The following RGS22 variants were observed in gnomAD, a reference collection of about 807,000 sequenced individuals.
RGS22 encodes the protein regulator of G-protein signaling 22.
RGS22 carries 148 observed loss-of-function variants against 172.9 expected under a neutral mutation model. The ratio of observed to expected loss-of-function variants is 0.86; its 90% CI spans 0.75 to 0.98. The LOEUF (loss-of-function observed/expected upper bound fraction) is 0.98, where lower values mean the gene tolerates loss of function less well. Among genes scored for constraint, RGS22 ranks in the 50% least tolerant of loss-of-function variants. The pLI, the probability that RGS22 is intolerant of heterozygous loss-of-function variation, is 0.00. For missense variants in RGS22, 1,347 were observed against 1,440.8 expected (o/e 0.93, Z 1.05); for synonymous variants, 458 against 480.2 (o/e 0.95, Z 0.60).
At chr8:100,100,658 C>T (rs1010281039) in intron 2 of RGS22, among the ~76,000 whole-genome samples, 2 of 152,064 alleles carry the variant, frequency 1.3e-5, no homozygotes, top group African/African-American at 2.4e-5. Context: ...TATGGAGAGT[C>T]AACTATGTTA....
intron 19 of RGS22, among the ~76,000 whole-genome samples, chr8:99,997,025 C>T (rs1814474532): frequency 6.6e-6 from 1 of 152,114 alleles, no homozygotes. Context: ...CAGATAGATC[C>T]AGAAGCAGAT....
At chr8:100,050,318 C>G (rs1821147207) in intron 10 of RGS22, among the ~76,000 whole-genome samples, 1 of 152,104 alleles carries the variant, frequency 6.6e-6, no homozygotes, top group African/African-American at 2.4e-5. Flanking sequence ...TAAGCCAAAC[C>G]CCTGATTTTA....
chr8:100,100,575 C>G (rs111480192), intron 2 of RGS22, among the ~76,000 whole-genome samples: 5,934 of 152,200 alleles, frequency 0.039, 329 homozygotes, highest in African/African-American at 0.12. Context: ...CAGGTGTGAG[C>G]CATTGCACCT....
chr8:100,061,620 T>C (rs564712205), intron 9 of RGS22, among the ~76,000 whole-genome samples: 3 of 152,296 alleles, frequency 2.0e-5, no homozygotes, highest in Non-Finnish European at 4.4e-5. Context: ...CCAGTCAGAA[T>C]GGCTATTAGT....
rs1329634892 is a variant in RGS22 at position 100,081,081 on chromosome 8, T to C, written c.118-726A>G. On this transcript the variant is annotated intron_variant, in intron 3 of 27. Coordinates refer to ENST00000360863, the MANE Select transcript of RGS22 (RefSeq NM_015668.5). ...GGTGAATTGGCCATGTCTTTTCCCA[T>C]TTGTCTTCCAAATCTAGAATCAGGT... is the stretch of plus-strand genomic sequence containing the variant. Among the ~76,000 whole-genome samples the C allele has an allele frequency of 3.3e-5, 5 of 152,130 alleles. No homozygotes were observed. In the East Asian group the frequency reaches 9.6e-4, roughly 29 times the overall value.
chr8:100,025,191 C>G (rs1818052056), intron 14 of RGS22, among the ~76,000 whole-genome samples: 1 of 152,114 alleles, frequency 6.6e-6, no homozygotes, highest in Non-Finnish European at 1.5e-5. Context: ...CTTCCTGAAC[C>G]CACTTTACTA....
At chr8:100,093,315 AC>A (rs1328855062) in intron 3 of RGS22, 131 bp downstream of exon 3, 1 of 566,072 alleles carries the variant, frequency 1.8e-6, no homozygotes, top group Non-Finnish European at 3.2e-6. Flanking sequence ...AAAAGATAAA[AC>A]CTTTACCTAA....
At position 100,053,226 on chromosome 8, in the gene RGS22, A is replaced by C. The variant is rs116284421; in HGVS notation, c.1515-250T>G. ...TGGGAAAAACATCATAAGTAAAATT[A>C]TGTTCAAATTATTAGCTGCTTGATA... On this transcript the variant is annotated intron_variant, in intron 9 of 27. Transcript: ENST00000360863. 2.9e-3 allele frequency among the ~76,000 whole-genome samples: 446 copies of C among 152,316 alleles called. 2 individuals are homozygous for C. The highest frequency in any genetic ancestry group is 0.01 in the African/African-American group (431 of 41,564).
intron 27 of RGS22, among the ~76,000 whole-genome samples, chr8:99,961,425 G>T (rs1433506204): frequency 6.6e-6 from 1 of 152,184 alleles, no homozygotes; most frequent in Non-Finnish European, 1.5e-5. Flanking sequence ...TCTCATGATA[G>T]TGAGTGAGTT....
intron 23 of RGS22, 81 bp from the exon 24 acceptor site, chr8:99,965,511 A>G (rs1810639612): frequency 2.0e-6 from 2 of 989,266 alleles, no homozygotes; most frequent in Non-Finnish European, 3.1e-6. Context: ...GAGTTATAAC[A>G]TCATATGACA....
chr8:100,018,438 ACAC>A (rs1220646418), intron 14 of RGS22, among the ~76,000 whole-genome samples: 2 of 152,112 alleles, frequency 1.3e-5, no homozygotes, highest in Non-Finnish European at 2.9e-5. Flanking sequence ...AGACACACAC[ACAC>A]ACACACAAAA....
chr8:100,027,712 A>C lies in RGS22; in HGVS notation c.2166+11219T>G, dbSNP rs560934080. On this transcript the variant is annotated intron_variant, in intron 14 of 27. Transcript: ENST00000360863. The stretch of plus-strand genomic sequence containing the variant: ...TAGCCAGGCTGGTCTCGAACTCCTG[A>C]GCTCAGTTGATCCACCTACCTCAGC... 5.9e-5 allele frequency among the ~76,000 whole-genome samples: 9 copies of C among 152,184 alleles called. No homozygotes were observed. The East Asian group carries it at 1.7e-3, about 30-fold the overall frequency.
intron 2 of RGS22, among the ~76,000 whole-genome samples, chr8:100,095,054 CGTAA>C (rs1812860727): frequency 6.6e-6 from 1 of 152,110 alleles, no homozygotes; most frequent in Non-Finnish European, 1.5e-5. Context: ...ACCTGGTGGA[CGTAA>C]GTATTGCCTA....
At chr8:100,053,370 C>G (rs985319146) in intron 9 of RGS22, among the ~76,000 whole-genome samples, 24 of 148,814 alleles carry the variant, frequency 1.6e-4, no homozygotes, top group Non-Finnish European at 2.8e-4. Flanking sequence ...TGCAGTGAGC[C>G]CAGATTGTGC....
At chr8:100,103,785 C>T (rs1409447296) in intron 2 of RGS22, among the ~76,000 whole-genome samples, 1 of 152,108 alleles carries the variant, frequency 6.6e-6, no homozygotes, top group African/African-American at 2.4e-5. Flanking sequence ...TAAGAGAACT[C>T]GGAGACAGTG....
Position 100,063,598 on chromosome 8 carries a change from C to G in RGS22, c.1170G>C (p.Glu390Asp). The G allele has an allele frequency of 6.2e-7, 1 of 1,614,074 alleles. No individual in the cohort carries two copies. The highest frequency in any genetic ancestry group is 8.5e-7 in the Non-Finnish European group (1 of 1,179,994). Reference protein sequence around the residue: ...IEQTSLSSKNESAGPESRADW... With the variant: ...IEQTSLSSKNDSAGPESRADW... ...CCGCCCTGCTCTCTGGTCCAGCGCT[C>G]TCATTCTTTGAACTTAAACTTGTTT... The change falls in exon 8 of 28, where the codon GAG becomes GAC. Residue 390 changes from glutamate to aspartate, a missense_variant. Physicochemically the swap from Glu to Asp is conservative, Grantham distance 45. Transcript: ENST00000360863.
intron 14 of RGS22, among the ~76,000 whole-genome samples, chr8:100,019,474 G>GA (rs1478034411): frequency 1.3e-5 from 2 of 152,174 alleles, no homozygotes; most frequent in African/African-American, 4.8e-5. Flanking sequence ...GTAAGAAAGT[G>GA]AAATGTAAAA....
Position 100,063,951 on chromosome 8 carries a change from C to A in RGS22, c.817G>T (p.Gly273Ter), listed in dbSNP as rs996389665. 2 of 1,573,108 alleles carry A rather than the reference C, an allele frequency of 1.3e-6. No homozygotes were observed. The highest frequency in any genetic ancestry group is 1.7e-6 in the Non-Finnish European group (2 of 1,159,986). ...KLISEFEEEEGEEEEVSVSLQ... is the reference protein window; with the variant it reads ...KLISEFEEEE Reference sequence around the variant, plus strand: ...GATACAGACACCTCTTCTTCTTCTCCTTCTTCTTCTTCAAATTCAGAAATC... The same window carrying A: ...GATACAGACACCTCTTCTTCTTCTCATTCTTCTTCTTCAAATTCAGAAATC... Residue 273 changes from glycine (G) to a stop codon, truncating the protein, a stop_gained, in exon 8 of 28, where the codon GGA (glycine) becomes TGA (stop). Transcript: ENST00000360863. LOFTEE classifies it high-confidence loss of function.
intron 14 of RGS22, among the ~76,000 whole-genome samples, chr8:100,013,206 G>C (rs149333708): frequency 6.6e-6 from 1 of 151,970 alleles, no homozygotes; most frequent in Non-Finnish European, 1.5e-5. Flanking sequence ...AGCCAGGATG[G>C]TCTCAAAATC....
Sources: allele counts gnomAD v4.1 joint callset (sites outside exome capture counted in the v4.1 genomes callset), GRCh38; gene constraint gnomAD v4.1.1; transcripts MANE v1.5; gene names NCBI Gene and HGNC (gene_info 2026-07-23, HGNC 2026-07-21).